Variants in C2CD5 observed in about 807,000 individuals in gnomAD.
The protein encoded by C2CD5 is C2 calcium dependent domain containing 5.
Under a neutral mutation model 130.3 loss-of-function variants are expected in C2CD5, and 109 were observed. The observed-to-expected ratio is 0.84, with a 90% CI of 0.72 to 0.98. C2CD5 has a LOEUF of 0.98. Among genes scored for constraint, C2CD5 ranks in the 50% least tolerant of loss-of-function variants. The pLI, the probability that C2CD5 is intolerant of heterozygous loss-of-function variation, is 0.00. For synonymous variants in C2CD5, 454 were observed against 429.2 expected (o/e 1.06, Z -0.71); for missense variants, 996 against 1,261.8 (o/e 0.79, Z 3.19).
chr12:22,527,328 A>T (rs909984443), intron 4 of C2CD5, among the ~76,000 whole-genome samples: 33 of 130,544 alleles, frequency 2.5e-4, no homozygotes, highest in African/African-American at 1.2e-3. Context: ...ATATATATAT[A>T]TATTTTTTTT....
At chr12:22,505,254 C>CTTTTTTTTT (rs371726014) in intron 10 of C2CD5, among the ~76,000 whole-genome samples, 7 of 106,332 alleles carry the variant, frequency 6.6e-5, no homozygotes, top group Non-Finnish European at 8.5e-5. Flanking sequence ...TTCTTTCTTT[C>CTTTTTTTTT]TTTTTTTTTT....
intron 3 of C2CD5, among the ~76,000 whole-genome samples, chr12:22,533,473 A>G (rs1174536003): frequency 2.6e-5 from 4 of 152,106 alleles, no homozygotes; most frequent in African/African-American, 9.7e-5. Flanking sequence ...CTCCTGGAGG[A>G]TTGGGGCATG....
intron 2 of C2CD5, among the ~76,000 whole-genome samples, chr12:22,543,467 T>C (rs181302462): frequency 2.6e-5 from 4 of 152,354 alleles, no homozygotes; most frequent in Non-Finnish European, 5.9e-5. Context: ...AGAACGTGCA[T>C]GGCAGATTCA....
At chr12:22,535,809 C>T (rs1252881660) in intron 2 of C2CD5, among the ~76,000 whole-genome samples, 3 of 152,090 alleles carry the variant, frequency 2.0e-5, no homozygotes, top group South Asian at 2.1e-4. Flanking sequence ...AGAATTGGTG[C>T]GGTACTGTCA....
chr12:22,465,808 T>G (rs1188147159), intron 22 of C2CD5, among the ~76,000 whole-genome samples: 3 of 152,122 alleles, frequency 2.0e-5, no homozygotes, highest in Non-Finnish European at 4.4e-5. Flanking sequence ...AACACACTCT[T>G]GAATAAACAT....
intron 3 of C2CD5, among the ~76,000 whole-genome samples, chr12:22,532,919 T>C (rs1009741863): frequency 1.4e-4 from 22 of 152,034 alleles, no homozygotes; most frequent in African/African-American, 4.6e-4. Context: ...AAAAACCAAA[T>C]TGGTCCTCAC....
intron 25 of C2CD5, among the ~76,000 whole-genome samples, chr12:22,455,626 G>A (rs1173288409): frequency 6.6e-6 from 1 of 152,168 alleles, no homozygotes; most frequent in East Asian, 1.9e-4. Flanking sequence ...AGGCTTTTGA[G>A]AATATCTTCA....
At chr12:22,481,649 CTTTTTTTTTT>C (rs34990025) in intron 14 of C2CD5, among the ~76,000 whole-genome samples, 1 of 116,448 alleles carries the variant, frequency 8.6e-6, no homozygotes, top group Non-Finnish European at 1.8e-5. Flanking sequence ...AGAAACACAC[CTTTTTTTTTT>C]TTTTTTTTTT....
chr12:22,521,590 C>G (rs1950271282), intron 7 of C2CD5, among the ~76,000 whole-genome samples: 1 of 151,318 alleles, frequency 6.6e-6, no homozygotes, highest in South Asian at 2.1e-4. Context: ...CTGAATACCT[C>G]AAAAAGCTAA....
At chr12:22,536,335 C>T (rs946384645) in intron 2 of C2CD5, among the ~76,000 whole-genome samples, 10 of 152,172 alleles carry the variant, frequency 6.6e-5, no homozygotes, top group Non-Finnish European at 1.3e-4. Flanking sequence ...ATAATACTAC[C>T]TATTTTAAAT....
At chr12:22,496,790 A>G (rs776314016) in intron 10 of C2CD5, among the ~76,000 whole-genome samples, 22 of 151,820 alleles carry the variant, frequency 1.4e-4, no homozygotes, top group Non-Finnish European at 2.1e-4. Flanking sequence ...ATCTTTTAAT[A>G]TATCCTTTTA....
At chr12:22,468,196 C>A (rs1254997843) in intron 22 of C2CD5, among the ~76,000 whole-genome samples, 1 of 149,444 alleles carries the variant, frequency 6.7e-6, no homozygotes, top group Non-Finnish European at 1.5e-5. Context: ...GAAAAAAAAA[C>A]TTGCTGTATA....
intron 7 of C2CD5, among the ~76,000 whole-genome samples, chr12:22,520,066 T>C (rs1950136180): frequency 6.6e-6 from 1 of 152,144 alleles, no homozygotes; most frequent in South Asian, 2.1e-4. Flanking sequence ...ATATATAAGA[T>C]TTGAAATTTT....
chr12:22,461,967 G>T (rs1197781744), intron 22 of C2CD5, among the ~76,000 whole-genome samples: 1 of 149,782 alleles, frequency 6.7e-6, no homozygotes, highest in Non-Finnish European at 1.5e-5. Flanking sequence ...ATCAGCACCT[G>T]GACTGGTTTG....
chr12:22,490,832 A>G (rs1946251054), intron 11 of C2CD5, among the ~76,000 whole-genome samples: 1 of 152,180 alleles, frequency 6.6e-6, no homozygotes, highest in African/African-American at 2.4e-5. Context: ...AATCAACATA[A>G]TTATTGAATG....
intron 22 of C2CD5, among the ~76,000 whole-genome samples, chr12:22,461,013 T>C (rs1192685705): frequency 3.9e-5 from 6 of 152,214 alleles, no homozygotes; most frequent in Non-Finnish European, 8.8e-5. Flanking sequence ...CTGACCATCA[T>C]GCTCACTGAC....
chr12:22,484,912 A>C, intron 12 of C2CD5, 24 bp from the exon 13 acceptor site: 1 of 1,206,496 alleles, frequency 8.3e-7, no homozygotes, highest in Admixed American at 2.9e-5. Flanking sequence ...TAAAAAAATA[A>C]GATATTCTTT....
chr12:22,467,327 A>C (rs1345759597), intron 22 of C2CD5, among the ~76,000 whole-genome samples: 1 of 151,896 alleles, frequency 6.6e-6, no homozygotes, highest in African/African-American at 2.4e-5. Context: ...ACCACCATGC[A>C]TGACTAATTT....
intron 9 of C2CD5, among the ~76,000 whole-genome samples, chr12:22,510,693 A>C (rs1227645300): frequency 6.6e-6 from 1 of 152,242 alleles, no homozygotes; most frequent in Non-Finnish European, 1.5e-5. Flanking sequence ...TGTGTTCCTC[A>C]CTAACAGGTA....
Sources: allele counts gnomAD v4.1 joint callset (sites outside exome capture counted in the v4.1 genomes callset), GRCh38; gene constraint gnomAD v4.1.1; transcripts MANE v1.5; gene names NCBI Gene and HGNC (gene_info 2026-07-23, HGNC 2026-07-21).